METAP1: variants seen among roughly 807,000 people sequenced by gnomAD.
METAP1 encodes the protein methionine aminopeptidase 1.
Under a neutral mutation model 53.8 loss-of-function variants are expected in METAP1, and 28 were observed. The ratio of observed to expected loss-of-function variants is 0.52; its 90% CI spans 0.39 to 0.71. The LOEUF is 0.71. Ranked by LOEUF, METAP1 falls within the 30% of genes least tolerant of loss-of-function variation. METAP1 has a pLI of 0.00. For synonymous variants in METAP1, 181 were observed against 165.7 expected, an observed-to-expected ratio of 1.09 and a Z score of -0.71; for missense variants, 389 against 479.8, an observed-to-expected ratio of 0.81 and a Z score of 1.77.
chr4:99,057,753 AAAAT>A lies in METAP1; in HGVS notation c.936_939del (p.Asn312LysfsTer5). On this transcript the variant is annotated frameshift_variant and splice_region_variant, in exon 10 of 11. Transcript: ENST00000296411. LOFTEE classifies it high-confidence loss of function. Reference sequence around the variant, plus strand: ...TTGAGATTTTTTTCTTTGATTTCAGAAAATAAAGCAGTTGGAGTGATGAAGTCGG... The same window carrying A: ...TTGAGATTTTTTTCTTTGATTTCAGAAAAGCAGTTGGAGTGATGAAGTCGG... 6.3e-7 allele frequency: 1 copy of A among 1,582,634 alleles called. No homozygotes were observed. The highest frequency in any genetic ancestry group is 8.6e-7 in the Non-Finnish European group (1 of 1,163,502).
chr4:99,051,003 A>T (rs1726655209), intron 9 of METAP1, among the ~76,000 whole-genome samples: 1 of 152,224 alleles, frequency 6.6e-6, no homozygotes, highest in African/African-American at 2.4e-5. Flanking sequence ...AAAGCTAGCA[A>T]CAGAAAATAG....
At chr4:99,039,562 T>C (rs539760828) in intron 5 of METAP1, 97 bp downstream of exon 5, 22 of 732,558 alleles carry the variant, frequency 3.0e-5, no homozygotes, top group South Asian at 1.3e-4. Flanking sequence ...GCAAATGTTA[T>C]ATTGTTAGAC....
chr4:99,020,507 TACC>T (rs1438879223), intron 1 of METAP1, among the ~76,000 whole-genome samples: 4 of 152,114 alleles, frequency 2.6e-5, no homozygotes, highest in African/African-American at 9.7e-5. Flanking sequence ...GAGGCGGGAC[TACC>T]ACCTGAGGAG....
intron 1 of METAP1, chr4:99,023,325 G>T: frequency 2.8e-6 from 2 of 725,764 alleles, no homozygotes; most frequent in South Asian, 5.1e-5. Flanking sequence ...TATTTCCTTT[G>T]GTTAACTATT....
chr4:99,007,699 A>G lies in METAP1; in HGVS notation c.114+11832A>G, dbSNP rs146526733. Among the ~76,000 whole-genome samples, 773 of 152,260 alleles carry G rather than the reference A, an allele frequency of 5.1e-3. 1 individual carries two copies. Among genetic ancestry groups the G allele is most frequent in the Non-Finnish European group, 7.3e-3 (498 of 68,022 alleles). On this transcript the variant is annotated intron_variant, in intron 1 of 10. Coordinates refer to ENST00000296411, the MANE Select transcript of METAP1 (RefSeq NM_015143.3). ...TAGTTGCAAATGTTTGTTGTTTTCAATTAGGAGCTTTGGATTGTTTTCTTT... is the reference window on the plus strand; with the variant it reads ...TAGTTGCAAATGTTTGTTGTTTTCAGTTAGGAGCTTTGGATTGTTTTCTTT...
chr4:99,041,161 GT>G, intron 6 of METAP1, 35 bp downstream of exon 6: 1 of 1,378,428 alleles, frequency 7.3e-7, no homozygotes, highest in Non-Finnish European at 1.0e-6. Context: ...GAGTAATTTT[GT>G]TACATTACTA....
chr4:99,023,629 G>A, intron 1 of METAP1: 4 of 985,390 alleles, frequency 4.1e-6, no homozygotes, highest in Non-Finnish European at 3.6e-6. Context: ...ACCATTTAAT[G>A]TTAATTCTAG....
chr4:99,041,516 A>G lies in METAP1; in HGVS notation c.516+390A>G, dbSNP rs567577991. On this transcript the variant is annotated intron_variant, in intron 6 of 10. Coordinates refer to ENST00000296411, the MANE Select transcript of METAP1 (RefSeq NM_015143.3). Reference sequence around the variant, plus strand: ...ATTAGTTAAATGTTTCCTCAAGGCAATGAACAGTCCACATAAATATTTGTA... The same window carrying G: ...ATTAGTTAAATGTTTCCTCAAGGCAGTGAACAGTCCACATAAATATTTGTA... Among the ~76,000 whole-genome samples the G allele has an allele frequency of 2.6e-5, 4 of 152,254 alleles. No homozygotes were observed. The South Asian group carries it at 8.3e-4, about 32-fold the overall frequency.
chr4:99,026,192 T>C (rs1416434203), intron 1 of METAP1: 42 of 977,188 alleles, frequency 4.3e-5, no homozygotes, highest in Admixed American at 6.1e-5. Context: ...TCAGATATTT[T>C]GGGTTCATAA....
intron 1 of METAP1, among the ~76,000 whole-genome samples, chr4:99,011,799 G>C (rs992406671): frequency 1.3e-5 from 2 of 152,258 alleles, no homozygotes; most frequent in East Asian, 3.9e-4. Context: ...AATTAGCCAG[G>C]CGTGGTGGCA....
chr4:98,998,812 G>C (rs984881966), intron 1 of METAP1, among the ~76,000 whole-genome samples: 2 of 151,178 alleles, frequency 1.3e-5, no homozygotes, highest in Non-Finnish European at 2.9e-5. Context: ...GAAAAATGAG[G>C]ATTTTTTTTT....
intron 5 of METAP1, among the ~76,000 whole-genome samples, 162 bp from the exon 6 acceptor site, chr4:99,040,881 G>C (rs1725809078): frequency 6.6e-6 from 1 of 150,486 alleles, no homozygotes. Context: ...ATTAATGTTT[G>C]TTTTTATGTA....
intron 6 of METAP1, among the ~76,000 whole-genome samples, chr4:99,042,561 T>C (rs980944606): frequency 3.9e-5 from 6 of 152,132 alleles, no homozygotes; most frequent in Non-Finnish European, 8.8e-5. Context: ...TATTAAAATA[T>C]CTGGAAGTAC....
At chr4:99,014,013 C>A (rs2110291509) in intron 1 of METAP1, among the ~76,000 whole-genome samples, 2 of 152,290 alleles carry the variant, frequency 1.3e-5, no homozygotes, top group Admixed American at 1.3e-4. Flanking sequence ...AGCAACCTTT[C>A]CGAATAGGGT....
intron 1 of METAP1, among the ~76,000 whole-genome samples, chr4:99,012,269 G>GTT (rs34482996): frequency 2.8e-5 from 3 of 106,696 alleles, no homozygotes; most frequent in Admixed American, 9.7e-5. Flanking sequence ...GTTAATGTGA[G>GTT]TTTTTTTTTT....
chr4:99,027,154 A>C (rs1260080383), intron 1 of METAP1, among the ~76,000 whole-genome samples: 1 of 152,192 alleles, frequency 6.6e-6, no homozygotes, highest in Non-Finnish European at 1.5e-5. Context: ...TGTAGACCCA[A>C]GGGAAAATTT....
At chr4:99,042,405 G>T (rs551064367) in intron 6 of METAP1, among the ~76,000 whole-genome samples, 2 of 151,736 alleles carry the variant, frequency 1.3e-5, no homozygotes, top group African/African-American at 4.8e-5. Context: ...AAAAATATTA[G>T]CCTGAAGACT....
Position 99,057,814 on chromosome 4 carries a change from T to C in METAP1, c.993T>C (p.Cys331=). ...GHVFTIEPMI[C]EGGWQDETWP... is the part of the protein sequence containing the mutation. ...TATTTACAATTGAGCCAATGATTTGTGAAGGTGAGAAAAAAGGATGCCATG... is the reference window on the plus strand; with the variant it reads ...TATTTACAATTGAGCCAATGATTTGCGAAGGTGAGAAAAAAGGATGCCATG... The change falls in exon 10 of 11, where the codon TGT becomes TGC. Residue 331 remains cysteine, a synonymous_variant. Coordinates refer to ENST00000296411, the MANE Select transcript of METAP1 (RefSeq NM_015143.3). 1 of 1,592,430 alleles carries C rather than the reference T, an allele frequency of 6.3e-7. No homozygotes were observed. Among genetic ancestry groups the C allele is most frequent in the Non-Finnish European group, 8.6e-7 (1 of 1,168,532 alleles).
rs1292539165 is a variant in METAP1 at position 99,034,334 on chromosome 4, T to A, written c.271T>A (p.Tyr91Asn). 6.7e-7 allele frequency: 1 copy of A among 1,497,114 alleles called. No individual in the cohort carries two copies. The highest frequency in any genetic ancestry group is 9.1e-7 in the Non-Finnish European group (1 of 1,097,790). The allele number at this position is 1,497,114 out of a possible 1,614,324, so 92.7% of individuals were successfully genotyped here. Residue 91 changes from tyrosine to asparagine, a missense_variant, in exon 3 of 11, where the codon TAT becomes AAT. Coordinates refer to ENST00000296411, the MANE Select transcript of METAP1 (RefSeq NM_015143.3). Reference sequence around the variant, plus strand: ...ATATACTGGTAAACTCAGACCACATTATCCACTGGTGAGTAAATAAGGTAA... The same window carrying A: ...ATATACTGGTAAACTCAGACCACATAATCCACTGGTGAGTAAATAAGGTAA... Reference protein sequence around the residue: ...YRYTGKLRPHYPLMPTRPVPS... With the variant: ...YRYTGKLRPHNPLMPTRPVPS...
Sources: allele counts gnomAD v4.1 joint callset (sites outside exome capture counted in the v4.1 genomes callset), GRCh38; gene constraint gnomAD v4.1.1; transcripts MANE v1.5; gene names NCBI Gene and HGNC (gene_info 2026-07-23, HGNC 2026-07-21).